Variants in FCN3 observed in about 807,000 individuals in gnomAD.
FCN3 encodes the protein ficolin-3.
FCN3 carries 28 observed loss-of-function variants against 31.5 expected under a neutral mutation model. The ratio of observed to expected loss-of-function variants is 0.89; its 90% CI spans 0.66 to 1.22. The LOEUF (loss-of-function observed/expected upper bound fraction) is 1.22, where lower values mean the gene tolerates loss of function less well. Ranked by LOEUF, FCN3 falls within the 50% of genes most tolerant of loss-of-function variation. The pLI is 0.00. For synonymous variants in FCN3, 124 were observed against 147.4 expected, an observed-to-expected ratio of 0.84 and a Z score of 1.15; for missense variants, 351 against 386.8, an observed-to-expected ratio of 0.91 and a Z score of 0.78.
chr1:27,372,567 G>A (rs958438171), intron 5 of FCN3, among the ~76,000 whole-genome samples: 4 of 152,120 alleles, frequency 2.6e-5, no homozygotes, highest in South Asian at 4.1e-4. Flanking sequence ...GTCTGGGCGC[G>A]CTGCACACTT....
chr1:27,369,237 T>C lies in FCN3; in HGVS notation c.899A>G (p.Ter300TrpextTer39), dbSNP rs1170770127. The part of the protein sequence containing the change: ...PYRRVRMMLR[*>W] The stretch of plus-strand genomic sequence containing the variant: ...AAGGGCACTGGCTGCCAGAGTGCCC[T>C]ATCGAAGCATCATCCGAACCCTGCG... The change falls in exon 8 of 8, where the codon TAG (stop) becomes TGG (tryptophan). Residue 300 changes from the stop codon to tryptophan, a stop_lost. Transcript: ENST00000270879. The C allele has an allele frequency of 2.5e-6, 4 of 1,614,112 alleles. No homozygotes were observed. The highest frequency in any genetic ancestry group is 3.4e-6 in the Non-Finnish European group (4 of 1,179,962).
chr1:27,374,656 G>A (rs1003566962), intron 1 of FCN3, 72 bp downstream of exon 1: 12 of 950,916 alleles, frequency 1.3e-5, no homozygotes, highest in South Asian at 3.9e-5. Flanking sequence ...TGAGGTTGAT[G>A]AGCCTTGGTG....
At position 27,370,651 on chromosome 1, in the gene FCN3, G is replaced by A. The variant is rs775653789; in HGVS notation, c.603C>T (p.Leu201=). 8.7e-6 allele frequency: 14 copies of A among 1,614,134 alleles called. No homozygotes were observed. The highest frequency in any genetic ancestry group is 3.3e-5 in the South Asian group (3 of 91,096). Residue 201 remains leucine, a synonymous_variant, in exon 7 of 8, where the codon CTC becomes CTT. Coordinates refer to ENST00000270879, the MANE Select transcript of FCN3 (RefSeq NM_003665.4). ...CCAGCTGGTAGTGGTCTACCTCACCGAGGAGGCGGAAGGTCGCATAGTGGG... is the reference window on the plus strand; with the variant it reads ...CCAGCTGGTAGTGGTCTACCTCACCAAGGAGGCGGAAGGTCGCATAGTGGG... ...TFAHYATFRL[L]GEVDHYQLAL...
intron 4 of FCN3, 64 bp from the exon 5 acceptor site, chr1:27,373,327 C>A (rs1476646883): frequency 6.2e-7 from 1 of 1,608,938 alleles, no homozygotes; most frequent in Non-Finnish European, 8.5e-7. Flanking sequence ...CCCCCAGGCA[C>A]TGGAACAAGT....
At chr1:27,373,317 C>T in intron 4 of FCN3, 54 bp from the exon 5 acceptor site, 4 of 1,609,650 alleles carry the variant, frequency 2.5e-6, no homozygotes, top group South Asian at 1.1e-5. Context: ...CTGACCCCCA[C>T]CCCCAGGCAC....
intron 5 of FCN3, among the ~76,000 whole-genome samples, 195 bp downstream of exon 5, chr1:27,372,941 C>T (rs1375956908): frequency 1.3e-5 from 2 of 152,132 alleles, no homozygotes; most frequent in African/African-American, 2.4e-5. Flanking sequence ...CTGCACTCAA[C>T]TTAAGGTCTT....
chr1:27,370,503 G>A, intron 7 of FCN3, 93 bp downstream of exon 7: 1 of 1,078,970 alleles, frequency 9.3e-7, no homozygotes, highest in South Asian at 1.4e-5. Flanking sequence ...GGCCCACAGA[G>A]GAGACAGGAT....
rs745480553 is a variant in FCN3, at chr1:27,373,447, A to G, written c.265+41T>C. On this transcript the variant is annotated intron_variant, in intron 4 of 7. Transcript: ENST00000270879. ...TGGGGGTCTGCCAACACCCAACACCATGTGATCCCAAGTTCCTGGCTCCTG... is the reference window on the plus strand; with the variant it reads ...TGGGGGTCTGCCAACACCCAACACCGTGTGATCCCAAGTTCCTGGCTCCTG... 4 of 1,612,016 alleles carry G rather than the reference A, an allele frequency of 2.5e-6. No individual in the cohort carries two copies. In the Admixed American group the frequency reaches 6.7e-5, roughly 27 times the overall value.
Position 27,373,147 on chromosome 1 carries a change from C to CT in FCN3, c.381_382insA (p.Gly128ArgfsTer33), listed in dbSNP as rs758831360. 3.2e-5 allele frequency: 51 copies of CT among 1,613,964 alleles called. No homozygotes were observed. The Middle Eastern group carries it at 8.3e-4, about 26-fold the overall frequency. ...TCTCAGACACTCACCAGCCAGCCGCCCCCCTCGGTGTCCATGTCACAAAAG... is the reference window on the plus strand; with the variant it reads ...TCTCAGACACTCACCAGCCAGCCGCCTCCCCTCGGTGTCCATGTCACAAAAG... On this transcript the variant is annotated frameshift_variant, in exon 5 of 8. Coordinates refer to ENST00000270879, the MANE Select transcript of FCN3 (RefSeq NM_003665.4). LOFTEE classifies it high-confidence loss of function.
rs889513752 is a variant in FCN3, at chr1:27,374,168, C to A, written c.188-159G>T. The stretch of plus-strand genomic sequence containing the variant: ...TATCCTCTCTGAACCTCCCTTTCCT[C>A]CTCAGCAGAATGGGGATGAAACCAC... On this transcript the variant is annotated intron_variant, in intron 2 of 7. Coordinates refer to ENST00000270879, the MANE Select transcript of FCN3 (RefSeq NM_003665.4). 2.0e-5 allele frequency: 15 copies of A among 745,394 alleles called. No homozygotes were observed. In the East Asian group the frequency reaches 3.4e-4, roughly 17 times the overall value. The allele number at this position is 745,394 out of a possible 1,614,324, so 46.2% of individuals were successfully genotyped here.
rs753855015 is a variant in FCN3, at chr1:27,370,660, G to A, written c.594C>T (p.Phe198=). 4 of 1,614,260 alleles carry A rather than the reference G, an allele frequency of 2.5e-6. No individual in the cohort carries two copies. The South Asian group carries it at 4.4e-5, about 18-fold the overall frequency. ...GNRTFAHYAT[F]RLLGEVDHYQ... is the part of the protein sequence containing the mutation. ...AGTGGTCTACCTCACCGAGGAGGCGGAAGGTCGCATAGTGGGCGAAAGTAC... is the reference window on the plus strand; with the variant it reads ...AGTGGTCTACCTCACCGAGGAGGCGAAAGGTCGCATAGTGGGCGAAAGTAC... Residue 198 remains phenylalanine, a synonymous_variant, in exon 7 of 8, where the codon TTC becomes TTT. Coordinates refer to ENST00000270879, the MANE Select transcript of FCN3 (RefSeq NM_003665.4).
intron 7 of FCN3, among the ~76,000 whole-genome samples, chr1:27,369,885 A>G (rs561341714): frequency 2.6e-4 from 39 of 152,170 alleles, no homozygotes; most frequent in African/African-American, 7.7e-4. Flanking sequence ...TCTCTCCCCA[A>G]TAGTCACTGT....
At chr1:27,373,900 TCCCA>T in intron 3 of FCN3, 61 bp downstream of exon 3, 1 of 1,386,556 alleles carries the variant, frequency 7.2e-7, no homozygotes, top group South Asian at 1.2e-5. Context: ...CAAGCAGAGA[TCCCA>T]CCCTAGAGTC....
At chr1:27,372,852 A>C (rs2016175304) in intron 5 of FCN3, among the ~76,000 whole-genome samples, 1 of 136,486 alleles carries the variant, frequency 7.3e-6, no homozygotes, top group South Asian at 2.3e-4. Context: ...AACTCGGCTC[A>C]CTGCAACCTC....
In FCN3 at chr1:27,373,125, C is replaced by T. The variant is rs1431344796; in HGVS notation, c.393+11G>A. 6.2e-7 allele frequency: 1 copy of T among 1,613,192 alleles called. No homozygotes were observed. The highest frequency in any genetic ancestry group is 2.2e-5 in the East Asian group (1 of 44,874). On this transcript the variant is annotated intron_variant, in intron 5 of 7. Coordinates refer to ENST00000270879, the MANE Select transcript of FCN3 (RefSeq NM_003665.4). ...GGGCCTGGCCTGTTAGCCCATTTCT[C>T]AGACACTCACCAGCCAGCCGCCCCC...
rs28385723 is a variant in FCN3, at chr1:27,373,270, A to G, written c.266-7T>C. ...TCCCGGCAGTTTCTGGGGCCTGGGAAAGGGGAGATGGACTGGGGTGGTGCC... is the reference window on the plus strand; with the variant it reads ...TCCCGGCAGTTTCTGGGGCCTGGGAGAGGGGAGATGGACTGGGGTGGTGCC... On this transcript the variant is annotated splice_region_variant and splice_polypyrimidine_tract_variant and intron_variant, in intron 4 of 7. Coordinates refer to ENST00000270879, the MANE Select transcript of FCN3 (RefSeq NM_003665.4). The G allele has an allele frequency of 2.8e-4, 447 of 1,614,006 alleles. No individual in the cohort carries two copies. In the African/African-American group the frequency reaches 5.5e-3, roughly 20 times the overall value.
intron 5 of FCN3, 100 bp from the exon 6 acceptor site, chr1:27,371,072 G>C: frequency 8.4e-7 from 1 of 1,195,546 alleles, no homozygotes. Context: ...CTCTCTCTTT[G>C]GATTGGGGCC....
In FCN3 at chr1:27,373,287, G is replaced by A; in HGVS notation, c.266-24C>T. On this transcript the variant is annotated intron_variant, in intron 4 of 7. Coordinates refer to ENST00000270879, the MANE Select transcript of FCN3 (RefSeq NM_003665.4). ...GCCTGGGAAAGGGGAGATGGACTGG[G>A]GTGGTGCCCAGGTTATTCCCTGACC... is the stretch of plus-strand genomic sequence containing the variant. 1.9e-6 allele frequency: 3 copies of A among 1,613,816 alleles called. No homozygotes were observed. In the South Asian group the frequency reaches 3.3e-5, roughly 18 times the overall value.
At position 27,373,517 on chromosome 1, in the gene FCN3, TCTC is replaced by T; in HGVS notation, c.233_235del (p.Gly78del). The T allele has an allele frequency of 1.2e-6, 2 of 1,613,994 alleles. No homozygotes were observed. Among genetic ancestry groups the T allele is most frequent in the Non-Finnish European group, 1.7e-6 (2 of 1,179,954 alleles). ...CTGGCACCGGAGCAGGTTCACTGGATCTCCTGCCCCAGAGAAGGGATGAGTGTT... is the reference window on the plus strand; with the variant it reads ...CTGGCACCGGAGCAGGTTCACTGGATCTGCCCCAGAGAAGGGATGAGTGTT... On this transcript the variant is annotated inframe_deletion and splice_region_variant, in exon 4 of 8. Coordinates refer to ENST00000270879, the MANE Select transcript of FCN3 (RefSeq NM_003665.4).
Sources: gnomAD v4.1 joint callset for allele counts (sites outside exome capture counted in the v4.1 genomes callset) on GRCh38, gnomAD v4.1.1 for gene constraint, MANE v1.5 for transcripts, NCBI Gene and HGNC (gene_info 2026-07-23, HGNC 2026-07-21) for gene names.